The following BEND4 variants were observed in gnomAD, a reference collection of about 807,000 sequenced individuals.
BEND4 encodes BEN domain containing 4.
A neutral mutation model predicts 54.7 loss-of-function variants in BEND4; 27 were observed. The observed-to-expected ratio is 0.49, with a 90% CI of 0.36 to 0.68. The LOEUF is 0.68. BEND4 is among the 30% of genes least tolerant of loss of function. The pLI is 0.00. For synonymous variants in BEND4, 327 were observed against 299.5 expected (o/e 1.09, Z -0.95); for missense variants, 702 against 697.2 (o/e 1.01, Z -0.08).
intron 2 of BEND4, 80 bp downstream of exon 2, chr4:42,151,577 G>A: frequency 1.2e-5 from 16 of 1,352,966 alleles, no homozygotes; most frequent in Non-Finnish European, 1.4e-5. Flanking sequence ...AGTGTCGGCG[G>A]CCCCCCGCTT....
rs1325140762 is a variant in BEND4 at position 42,115,698 on chromosome 4, T to C, written c.*1820A>G. 1.3e-5 allele frequency: 2 copies of C among 152,200 alleles called. No individual in the cohort carries two copies. The highest frequency in any genetic ancestry group is 2.4e-5 in the African/African-American group (1 of 41,450). The allele number at this position is 152,200 out of a possible 1,614,324, so 9.4% of individuals were successfully genotyped here. ...ACTGACTTCTCGGACCTCTAAAAAA[T>C]GCTTTAAGAGGTATCTTTCTTCCTT... On this transcript the variant is annotated 3_prime_UTR_variant, in exon 6 of 6. Transcript: ENST00000502486.
rs965874837 is a variant in BEND4, at chr4:42,152,329, G to T, written c.-186C>A. On this transcript the variant is annotated 5_prime_UTR_variant, in exon 2 of 6. Transcript: ENST00000502486. ...GGCTGGCATCGCCGAGCCCCCGCGC[G>T]GGGGGCTGCCGCCCGAGCTCCTGAT... 3.4e-5 allele frequency: 14 copies of T among 408,054 alleles called. No homozygotes were observed. Among genetic ancestry groups the T allele is most frequent in the East Asian group, 8.8e-5 (2 of 22,776 alleles). The allele number at this position is 408,054 out of a possible 1,614,324, so 25.3% of individuals were successfully genotyped here.
At chr4:42,141,396 G>A (rs989936119) in intron 3 of BEND4, among the ~76,000 whole-genome samples, 2 of 152,188 alleles carry the variant, frequency 1.3e-5, no homozygotes, top group Non-Finnish European at 2.9e-5. Flanking sequence ...TAGATCAGCT[G>A]CCAAATTGAG....
rs145547659 is a variant in BEND4, at chr4:42,133,651, G to A, written c.1055-7977C>T. Among the ~76,000 whole-genome samples the A allele has an allele frequency of 2.6e-4, 39 of 151,890 alleles. No homozygotes were observed. In the East Asian group the frequency reaches 7.0e-3, roughly 27 times the overall value. ...GGGTAGATCACGTGGTCAGGAGATC[G>A]AGACCATCCTGGGCTAACATGGTGA... On this transcript the variant is annotated intron_variant, in intron 3 of 5. Transcript: ENST00000502486.
chr4:42,119,949 A>G (rs1405984087), intron 5 of BEND4, 105 bp downstream of exon 5: 2 of 1,431,886 alleles, frequency 1.4e-6, no homozygotes, highest in Non-Finnish European at 1.9e-6. Flanking sequence ...TTCTCAGCAG[A>G]AAGAAATCAA....
At chr4:42,139,186 T>G (rs900401119) in intron 3 of BEND4, among the ~76,000 whole-genome samples, 16 of 152,182 alleles carry the variant, frequency 1.1e-4, no homozygotes, top group Admixed American at 3.3e-4. Context: ...TTCACTCTTT[T>G]CAAAAAATTT....
chr4:42,148,561 T>C (rs1721154737), intron 2 of BEND4, among the ~76,000 whole-genome samples: 1 of 152,218 alleles, frequency 6.6e-6, no homozygotes, highest in Non-Finnish European at 1.5e-5. Context: ...GTAATTAGAA[T>C]GCTTTTAATG....
chr4:42,149,572 T>C (rs1031006603), intron 2 of BEND4, among the ~76,000 whole-genome samples: 5 of 152,158 alleles, frequency 3.3e-5, no homozygotes, highest in South Asian at 2.1e-4. Flanking sequence ...AAAGGAAATA[T>C]GGAGAAATTC....
chr4:42,117,812 T>C, intron 5 of BEND4, 77 bp from the exon 6 acceptor site: 2 of 950,540 alleles, frequency 2.1e-6, no homozygotes, highest in Non-Finnish European at 3.1e-6. Context: ...CAGGGCAGGC[T>C]GCTTAAACTT....
At chr4:42,135,637 T>C (rs1375382413) in intron 3 of BEND4, among the ~76,000 whole-genome samples, 1 of 151,652 alleles carries the variant, frequency 6.6e-6, no homozygotes, top group East Asian at 1.9e-4. Flanking sequence ...TAGCCAGGCG[T>C]GGTGAGGGGC....
rs1291444616 is a variant in BEND4 at position 42,112,922 on chromosome 4, G to T, written c.*4596C>A. ...TAACTTTGCAGAGGACTACCCATCT[G>T]CTGGGTGACGTTTTCCTACATTACT... On this transcript the variant is annotated 3_prime_UTR_variant, in exon 6 of 6. Transcript: ENST00000502486. 2 of 152,132 alleles carry T rather than the reference G, an allele frequency of 1.3e-5. No individual in the cohort carries two copies. Among genetic ancestry groups the T allele is most frequent in the Non-Finnish European group, 2.9e-5 (2 of 68,022 alleles). The allele number at this position is 152,132 out of a possible 1,614,324, so 9.4% of individuals were successfully genotyped here. A position where few individuals can be genotyped will look rare whatever the true frequency, so the allele number is the denominator to read the frequency against.
In BEND4 at chr4:42,143,655, A is replaced by T; in HGVS notation, c.827T>A (p.Leu276Gln). ...GGTTGACAGAGGATCCACGTCGGCC[A>T]GATGGCCATATTCACTGGCTGACGA... is the stretch of plus-strand genomic sequence containing the variant. ...NPSSASEYGH[L>Q]ADVDPLSTSP... Residue 276 changes from leucine (L) to glutamine (Q), a missense_variant, in exon 3 of 6, where the codon CTG (leucine) becomes CAG (glutamine). Coordinates refer to ENST00000502486, the MANE Select transcript of BEND4 (RefSeq NM_207406.4). 6.2e-7 allele frequency: 1 copy of T among 1,613,984 alleles called. No individual in the cohort carries two copies. Among genetic ancestry groups the T allele is most frequent in the Non-Finnish European group, 8.5e-7 (1 of 1,179,862 alleles).
chr4:42,113,036 C>G lies in BEND4; in HGVS notation c.*4482G>C, dbSNP rs533627181. On this transcript the variant is annotated 3_prime_UTR_variant, in exon 6 of 6. Transcript: ENST00000502486. Reference sequence around the variant, plus strand: ...CAAAAATACATCATAATGATACATACTGCTGTTTAGACACATTTACATTAG... The same window carrying G: ...CAAAAATACATCATAATGATACATAGTGCTGTTTAGACACATTTACATTAG... 6.6e-6 allele frequency: 1 copy of G among 152,342 alleles called. No individual in the cohort carries two copies. Among genetic ancestry groups the G allele is most frequent in the South Asian group, 2.1e-4 (1 of 4,830 alleles). The allele number at this position is 152,342 out of a possible 1,614,324, so 9.4% of individuals were successfully genotyped here.
At chr4:42,137,806 T>C (rs1021776381) in intron 3 of BEND4, among the ~76,000 whole-genome samples, 3 of 152,186 alleles carry the variant, frequency 2.0e-5, no homozygotes, top group Admixed American at 6.6e-5. Context: ...CCTGAATAGA[T>C]ACTTCTCCAA....
chr4:42,136,207 T>G (rs996536545), intron 3 of BEND4, among the ~76,000 whole-genome samples: 4 of 152,146 alleles, frequency 2.6e-5, no homozygotes. Context: ...TTTTCAAGTT[T>G]GGAGGTTGGT....
intron 3 of BEND4, among the ~76,000 whole-genome samples, chr4:42,128,439 C>T (rs146049497): frequency 3.3e-5 from 5 of 152,000 alleles, no homozygotes; most frequent in African/African-American, 4.8e-5. Flanking sequence ...CTGGCTAACA[C>T]GGTGAAACCC....
At chr4:42,128,185 A>G (rs1488256471) in intron 3 of BEND4, among the ~76,000 whole-genome samples, 1 of 152,224 alleles carries the variant, frequency 6.6e-6, no homozygotes, top group Admixed American at 6.5e-5. Context: ...AAAAAGACGC[A>G]TATGAAAAAA....
intron 3 of BEND4, among the ~76,000 whole-genome samples, chr4:42,134,027 T>C (rs1489141663): frequency 2.6e-5 from 4 of 152,246 alleles, no homozygotes; most frequent in Non-Finnish European, 5.9e-5. Context: ...GCCACTTAAT[T>C]GACTCTGTTG....
In BEND4 at chr4:42,125,648, A is replaced by T; in HGVS notation, c.1081T>A (p.Leu361Met). The T allele has an allele frequency of 6.2e-7, 1 of 1,613,246 alleles. No homozygotes were observed. The highest frequency in any genetic ancestry group is 8.5e-7 in the Non-Finnish European group (1 of 1,179,516). The change falls in exon 4 of 6, where the codon TTG becomes ATG. Residue 361 changes from leucine (L) to methionine (M), a missense_variant. Coordinates refer to ENST00000502486, the MANE Select transcript of BEND4 (RefSeq NM_207406.4). ...TTGTGGTGCTGCAGAACCATCTTCA[A>T]GTAATCTAAAACGGTCTGGCAGGGC... ...PVPCQTVLDY[L>M]KMVLQHHNQL...
Sources: gnomAD v4.1 joint callset for allele counts (sites outside exome capture counted in the v4.1 genomes callset) on GRCh38, gnomAD v4.1.1 for gene constraint, MANE v1.5 for transcripts, NCBI Gene and HGNC (gene_info 2026-07-23, HGNC 2026-07-21) for gene names.